Variants in NBEA observed in about 807,000 individuals in gnomAD.
The protein encoded by NBEA is neurobeachin, also known as lysosomal-trafficking regulator 2.
A neutral mutation model predicts 343.4 loss-of-function variants in NBEA; 44 were observed. The ratio of observed to expected loss-of-function variants is 0.13; its 90% CI spans 0.10 to 0.16. NBEA has a LOEUF of 0.16. Among genes scored for constraint, NBEA ranks in the 10% least tolerant of loss-of-function variants. The pLI is 1.00. For missense variants in NBEA, 2,555 were observed against 3,631.3 expected (o/e 0.70, Z 7.62); for synonymous variants, 1,175 against 1,238.7 (o/e 0.95, Z 1.08).
At chr13:35,594,842 GCTT>G (rs1566379233) in intron 47 of NBEA, among the ~76,000 whole-genome samples, 1 of 151,752 alleles carries the variant, frequency 6.6e-6, no homozygotes, top group African/African-American at 2.4e-5. Context: ...GTAATTGAAG[GCTT>G]CTTATCGCAG....
intron 1 of NBEA, among the ~76,000 whole-genome samples, chr13:34,961,615 G>C (rs1198539591): frequency 6.6e-6 from 1 of 151,930 alleles, no homozygotes; most frequent in Non-Finnish European, 1.5e-5. Context: ...TGTAAAGCTA[G>C]GCACTTCGGA....
chr13:34,945,474 CTATT>C (rs1449379190), intron 1 of NBEA, among the ~76,000 whole-genome samples: 15 of 152,156 alleles, frequency 9.9e-5, no homozygotes, highest in East Asian at 1.9e-4. Flanking sequence ...AAACTTAATT[CTATT>C]TATTTAGTAA....
intron 41 of NBEA, among the ~76,000 whole-genome samples, chr13:35,530,753 G>C (rs971976202): frequency 6.6e-6 from 1 of 152,168 alleles, no homozygotes; most frequent in Non-Finnish European, 1.5e-5. Flanking sequence ...GCACAATGGA[G>C]GAAAAACAAT....
At chr13:35,443,588 A>G (rs1227115414) in intron 39 of NBEA, among the ~76,000 whole-genome samples, 1 of 151,998 alleles carries the variant, frequency 6.6e-6, no homozygotes, top group African/African-American at 2.4e-5. Flanking sequence ...GTATTTATTA[A>G]ATTTGCTTAG....
intron 38 of NBEA, among the ~76,000 whole-genome samples, chr13:35,369,935 G>T (rs964181822): frequency 6.6e-6 from 1 of 151,930 alleles, no homozygotes; most frequent in Non-Finnish European, 1.5e-5. Flanking sequence ...GACTTATTTT[G>T]TGTCATAACA....
chr13:35,084,759 A>G (rs1174529904), intron 10 of NBEA, among the ~76,000 whole-genome samples: 1 of 152,158 alleles, frequency 6.6e-6, no homozygotes, highest in Non-Finnish European at 1.5e-5. Context: ...AAATAGAGAC[A>G]CAAAAAACCC....
intron 4 of NBEA, among the ~76,000 whole-genome samples, chr13:35,047,165 G>A (rs183035398): frequency 1.5e-4 from 23 of 151,726 alleles, no homozygotes; most frequent in African/African-American, 4.8e-4. Flanking sequence ...ACTAAAATCC[G>A]AAAGGTTAGT....
intron 11 of NBEA, among the ~76,000 whole-genome samples, chr13:35,107,518 C>A (rs1433964816): frequency 6.6e-6 from 1 of 151,974 alleles, no homozygotes; most frequent in Non-Finnish European, 1.5e-5. Flanking sequence ...TGTTAACCAT[C>A]CTTCTGCAAA....
intron 38 of NBEA, among the ~76,000 whole-genome samples, chr13:35,431,755 A>G (rs536757892): frequency 6.6e-6 from 1 of 152,290 alleles, no homozygotes; most frequent in South Asian, 2.1e-4. Flanking sequence ...TTCAATGAAT[A>G]TTTCAGCACA....
rs751824876 is a variant in NBEA, at chr13:35,537,675, AGAAGT to A, written c.6586-12798_6586-12794del. Among the ~76,000 whole-genome samples, 11 of 151,710 alleles carry A rather than the reference AGAAGT, an allele frequency of 7.3e-5. No homozygotes were observed. The South Asian group carries it at 1.2e-3, about 17-fold the overall frequency. On this transcript the variant is annotated intron_variant, in intron 41 of 58. Transcript: ENST00000379939. ...GCAAAAAGAGACCTTGAAGATGAGT[AGAAGT>A]GAACTTGGCAAATAGGGGAGGGAAG...
At chr13:35,066,581 C>T (rs1283937540) in intron 8 of NBEA, among the ~76,000 whole-genome samples, 1 of 151,848 alleles carries the variant, frequency 6.6e-6, no homozygotes, top group African/African-American at 2.4e-5. Context: ...GTTTTAAAGT[C>T]TATTTTGTCC....
At chr13:35,191,259 T>C (rs2072169089) in intron 30 of NBEA, among the ~76,000 whole-genome samples, 1 of 152,068 alleles carries the variant, frequency 6.6e-6, no homozygotes, top group Non-Finnish European at 1.5e-5. Flanking sequence ...GAAAACTCCC[T>C]ACAGTTGATG....
chr13:35,195,859 T>A lies in NBEA; in HGVS notation c.4928-5T>A. 6.4e-7 allele frequency: 1 copy of A among 1,565,282 alleles called. No homozygotes were observed. The highest frequency in any genetic ancestry group is 8.6e-7 in the Non-Finnish European group (1 of 1,162,702). On this transcript the variant is annotated splice_region_variant and splice_polypyrimidine_tract_variant and intron_variant, in intron 30 of 58. Transcript: ENST00000379939. ...TTTTTTCTAACCTAGTTTCTTTCAT[T>A]ACAGAAACACCTGCTGCATTTCCAG...
intron 46 of NBEA, among the ~76,000 whole-genome samples, chr13:35,588,289 G>A (rs1184732957): frequency 1.3e-5 from 2 of 152,048 alleles, no homozygotes; most frequent in African/African-American, 2.4e-5. Flanking sequence ...CAGTCTAATG[G>A]TTTACTAAGT....
At chr13:35,472,741 A>G (rs2075709448) in intron 41 of NBEA, among the ~76,000 whole-genome samples, 1 of 152,264 alleles carries the variant, frequency 6.6e-6, no homozygotes, top group Non-Finnish European at 1.5e-5. Flanking sequence ...CAGAGCATGC[A>G]CATTTTAACA....
intron 38 of NBEA, among the ~76,000 whole-genome samples, chr13:35,374,316 G>A (rs2041623450): frequency 6.6e-6 from 1 of 152,140 alleles, no homozygotes; most frequent in Non-Finnish European, 1.5e-5. Flanking sequence ...TTAGATATGG[G>A]CAACATTCAT....
intron 38 of NBEA, among the ~76,000 whole-genome samples, chr13:35,412,292 TAAAA>T (rs140561940): frequency 0.03 from 4,512 of 152,238 alleles, 102 homozygotes; most frequent in Non-Finnish European, 0.045. Context: ...ACATGTTAAC[TAAAA>T]GGGCGCTGAC....
intron 44 of NBEA, among the ~76,000 whole-genome samples, chr13:35,561,523 A>G (rs1430465382): frequency 1.3e-5 from 2 of 152,148 alleles, no homozygotes; most frequent in Non-Finnish European, 2.9e-5. Context: ...GTACATTATT[A>G]TTACACTCTC....
At position 35,667,420 on chromosome 13, in the gene NBEA, C is replaced by A; in HGVS notation, c.8511C>A (p.Ala2837=). Residue 2837 remains alanine (A), a synonymous_variant, in exon 57 of 59, where the codon GCC becomes GCA. Coordinates refer to ENST00000379939, the MANE Select transcript of NBEA (RefSeq NM_001385012.1). The stretch of plus-strand genomic sequence containing the variant: ...CCATCACTGGAGATTTGCTGAGAGC[C>A]CTTGAAGGACCAGAAAACTGCTTAT... The part of the protein sequence containing the change: ...VHTITGDLLR[A]LEGPENCLFP... The A allele has an allele frequency of 6.2e-7, 1 of 1,613,950 alleles. No homozygotes were observed. The highest frequency in any genetic ancestry group is 2.2e-5 in the East Asian group (1 of 44,878).
Sources: allele counts gnomAD v4.1 joint callset (sites outside exome capture counted in the v4.1 genomes callset), GRCh38; gene constraint gnomAD v4.1.1; transcripts MANE v1.5; gene names NCBI Gene and HGNC (gene_info 2026-07-23, HGNC 2026-07-21).